Variants in RERG observed in about 807,000 individuals in gnomAD.
The protein encoded by RERG is ras-related and estrogen-regulated growth inhibitor.
RERG carries 25 observed loss-of-function variants against 23.2 expected under a neutral mutation model. The observed-to-expected ratio is 1.08, with a 90% confidence interval of 0.79 to 1.50. The LOEUF is 1.50. Among genes scored for constraint, RERG ranks in the 40% most tolerant of loss-of-function variants. The probability of loss-of-function intolerance (pLI) is 0.00; values close to 1 mark genes in which losing one functional copy is unlikely to be tolerated. For synonymous variants in RERG, 81 were observed against 89.1 expected (o/e 0.91, Z 0.51); for missense variants, 253 against 250.1 (o/e 1.01, Z -0.08).
In RERG at chr12:15,151,183, T is replaced by C. The variant is rs80293762; in HGVS notation, c.62-30064A>G. 5.9e-5 allele frequency among the ~76,000 whole-genome samples: 9 copies of C among 152,320 alleles called. No individual in the cohort carries two copies. In the East Asian group the frequency reaches 1.7e-3, roughly 29 times the overall value. On this transcript the variant is annotated intron_variant, in intron 2 of 4. Coordinates refer to ENST00000256953, the MANE Select transcript of RERG (RefSeq NM_032918.3). Reference sequence around the variant, plus strand: ...TCCTCTGTATTTTCTACGTTTTCTATAATGAACACACTTAATCTTAGAGTG... The same window carrying C: ...TCCTCTGTATTTTCTACGTTTTCTACAATGAACACACTTAATCTTAGAGTG...
chr12:15,114,202 AAAGT>A (rs769017290), intron 3 of RERG, among the ~76,000 whole-genome samples: 17 of 152,174 alleles, frequency 1.1e-4, no homozygotes, highest in Admixed American at 2.6e-4. Flanking sequence ...AAAAAAATTA[AAAGT>A]AAGAAAATAT....
chr12:15,217,654 T>C (rs1865461495), intron 1 of RERG, 51 bp from the exon 2 acceptor site: 1 of 594,132 alleles, frequency 1.7e-6, no homozygotes, highest in African/African-American at 1.9e-5. Flanking sequence ...AATGAATTAA[T>C]ATTTATTGAG....
At position 15,108,658 on chromosome 12, in the gene RERG, A is replaced by C. The variant is rs1020993225; in HGVS notation, c.*452T>G. On this transcript the variant is annotated 3_prime_UTR_variant, in exon 5 of 5. Transcript: ENST00000256953. ...AATCCTCACTTCAAACAGAAACTAGAGTTCCTTCTATTTCCTGTTCCAATA... is the reference window on the plus strand; with the variant it reads ...AATCCTCACTTCAAACAGAAACTAGCGTTCCTTCTATTTCCTGTTCCAATA... 2.6e-5 allele frequency: 4 copies of C among 153,316 alleles called. No homozygotes were observed. The highest frequency in any genetic ancestry group is 9.6e-5 in the African/African-American group (4 of 41,474). 9.5% of individuals were successfully genotyped at this position (153,316 alleles called of 1,614,324 possible).
rs200101712 is a variant in RERG at position 15,138,707 on chromosome 12, C to T, written c.62-17588G>A. Among the ~76,000 whole-genome samples the T allele has an allele frequency of 2.6e-5, 4 of 151,604 alleles. No individual in the cohort carries two copies. In the East Asian group the frequency reaches 7.7e-4, roughly 29 times the overall value. ...TTCTTTGTATACTTGGGATGTAAGTCCTTTTGCACATATGTGTTATTTGCT... is the reference window on the plus strand; with the variant it reads ...TTCTTTGTATACTTGGGATGTAAGTTCTTTTGCACATATGTGTTATTTGCT... On this transcript the variant is annotated intron_variant, in intron 2 of 4. Transcript: ENST00000256953.
At chr12:15,191,829 C>CA (rs1395469292) in intron 2 of RERG, among the ~76,000 whole-genome samples, 1 of 152,148 alleles carries the variant, frequency 6.6e-6, no homozygotes, top group African/African-American at 2.4e-5. Context: ...TATACGTTCT[C>CA]ATAGATCCAT....
chr12:15,206,832 G>C (rs1382159908), intron 2 of RERG, among the ~76,000 whole-genome samples: 1 of 152,144 alleles, frequency 6.6e-6, no homozygotes, highest in Non-Finnish European at 1.5e-5. Context: ...GCATAGGATA[G>C]ATATTTGGGC....
rs1431596717 is a variant in RERG, at chr12:15,123,602, T to C, written c.62-2483A>G. The stretch of plus-strand genomic sequence containing the variant: ...ATAAAATTTTATCCCAGTTGTATAA[T>C]TTATTAAATTTATATAATAAATATT... On this transcript the variant is annotated intron_variant, in intron 2 of 4. Coordinates refer to ENST00000256953, the MANE Select transcript of RERG (RefSeq NM_032918.3). Among the ~76,000 whole-genome samples the C allele has an allele frequency of 2.7e-5, 4 of 146,008 alleles. No homozygotes were observed. In the East Asian group the frequency reaches 7.8e-4, roughly 28 times the overall value.
chr12:15,161,138 A>AAGAAAGAAAGAAAGAAAGAAAGAAAG (rs1864598711), intron 2 of RERG, among the ~76,000 whole-genome samples: 1 of 41,580 alleles, frequency 2.4e-5, no homozygotes, highest in Non-Finnish European at 4.5e-5. Flanking sequence ...CCATCTCAGA[A>AAGAAAGAAAGAAAGAAAGAAAGAAAG]AAAGAAAGAA....
In RERG at chr12:15,153,556, C is replaced by A. The variant is rs374264221; in HGVS notation, c.62-32437G>T. 1.5e-3 allele frequency among the ~76,000 whole-genome samples: 226 copies of A among 152,112 alleles called. 6 individuals are homozygous for A. In the South Asian group the frequency reaches 0.045, roughly 31 times the overall value. ...TTGAGATTTATAAGGAACTAGAGAA[C>A]CATAGTTCCTGGAAAATCCAGGAGT... On this transcript the variant is annotated intron_variant, in intron 2 of 4. Transcript: ENST00000256953.
chr12:15,150,811 A>G (rs796389920), intron 2 of RERG, among the ~76,000 whole-genome samples: 17 of 152,298 alleles, frequency 1.1e-4, no homozygotes, highest in African/African-American at 3.8e-4. Flanking sequence ...CCTGGCAGAG[A>G]TGTGGGAGGT....
intron 2 of RERG, among the ~76,000 whole-genome samples, chr12:15,183,677 T>G (rs576336257): frequency 4.6e-5 from 7 of 152,294 alleles, no homozygotes; most frequent in African/African-American, 1.2e-4. Context: ...GATATTTTCT[T>G]TAAATAAATG....
chr12:15,125,071 C>A (rs1250198544), intron 2 of RERG, among the ~76,000 whole-genome samples: 2 of 151,868 alleles, frequency 1.3e-5, no homozygotes, highest in Non-Finnish European at 1.5e-5. Flanking sequence ...CTGTAACCTG[C>A]AGTACCTTCA....
intron 2 of RERG, among the ~76,000 whole-genome samples, chr12:15,133,715 T>C (rs2136097359): frequency 7.0e-6 from 1 of 141,846 alleles, no homozygotes; most frequent in East Asian, 2.1e-4. Context: ...CCACCAGCAA[T>C]GACTGAGAGG....
At chr12:15,158,893 CA>C (rs1161742342) in intron 2 of RERG, among the ~76,000 whole-genome samples, 2 of 151,718 alleles carry the variant, frequency 1.3e-5, no homozygotes, top group East Asian at 3.9e-4. Flanking sequence ...TAGAATTTTC[CA>C]ATGTAAAGTT....
At chr12:15,154,529 A>T (rs555614721) in intron 2 of RERG, among the ~76,000 whole-genome samples, 1 of 152,330 alleles carries the variant, frequency 6.6e-6, no homozygotes, top group East Asian at 1.9e-4. Context: ...CTTCGAGGAA[A>T]ATTTGGCCAA....
intron 2 of RERG, among the ~76,000 whole-genome samples, chr12:15,196,057 A>C (rs974546760): frequency 2.6e-5 from 4 of 152,140 alleles, no homozygotes; most frequent in Non-Finnish European, 4.4e-5. Context: ...GACTGCCTAA[A>C]GAGTATGATT....
chr12:15,152,462 G>C (rs926419270), intron 2 of RERG, among the ~76,000 whole-genome samples: 1 of 152,156 alleles, frequency 6.6e-6, no homozygotes, highest in African/African-American at 2.4e-5. Context: ...AAAAACTCTT[G>C]TTTTGGACAG....
intron 2 of RERG, among the ~76,000 whole-genome samples, chr12:15,211,284 TACACACACACACACAC>T (rs56263472): frequency 2.3e-4 from 33 of 142,870 alleles, no homozygotes; most frequent in East Asian, 8.3e-4. Context: ...TGTCATTTTA[TACACACACACACACAC>T]ACACACACAC....
chr12:15,152,539 T>C (rs1432010337), intron 2 of RERG, among the ~76,000 whole-genome samples: 1 of 152,182 alleles, frequency 6.6e-6, no homozygotes, highest in Admixed American at 6.5e-5. Flanking sequence ...TGAGCCAAGA[T>C]AGGACACAGT....
Sources: allele counts gnomAD v4.1 joint callset (sites outside exome capture counted in the v4.1 genomes callset), GRCh38; gene constraint gnomAD v4.1.1; transcripts MANE v1.5; gene names NCBI Gene and HGNC (gene_info 2026-07-23, HGNC 2026-07-21).